CDH12: variants seen among roughly 807,000 people sequenced by gnomAD.
CDH12 encodes cadherin 12, also known as cadherin-12.
In CDH12, 41 loss-of-function variants were observed where a neutral mutation model predicts 74.1. The observed-to-expected ratio is 0.55, with a 90% CI of 0.43 to 0.72. The LOEUF (loss-of-function observed/expected upper bound fraction) is 0.72, where lower values mean the gene tolerates loss of function less well. Among genes scored for constraint, CDH12 ranks in the 30% least tolerant of loss-of-function variants. CDH12 has a pLI of 0.00. For missense variants in CDH12, 945 were observed against 977.2 expected, an observed-to-expected ratio of 0.97 and a Z score of 0.44; for synonymous variants, 399 against 355.0, an observed-to-expected ratio of 1.12 and a Z score of -1.39.
chr5:22,736,362 A>C (rs957121697), intron 1 of CDH12, among the ~76,000 whole-genome samples: 3 of 151,820 alleles, frequency 2.0e-5, no homozygotes, highest in African/African-American at 4.8e-5. Context: ...TCATTGGCTG[A>C]ATACTGCAAA....
At chr5:22,231,505 T>TA (rs1190716158) in intron 3 of CDH12, among the ~76,000 whole-genome samples, 2 of 151,736 alleles carry the variant, frequency 1.3e-5, no homozygotes, top group African/African-American at 4.8e-5. Flanking sequence ...AAGTAGCAAG[T>TA]AAAAAAAATG....
intron 2 of CDH12, among the ~76,000 whole-genome samples, chr5:22,478,710 T>A (rs1030806807): frequency 6.6e-6 from 1 of 151,984 alleles, no homozygotes; most frequent in African/African-American, 2.4e-5. Flanking sequence ...AAAAGCCCCA[T>A]CATTTGTTGT....
At chr5:22,263,961 A>G (rs1445584464) in intron 3 of CDH12, among the ~76,000 whole-genome samples, 1 of 151,944 alleles carries the variant, frequency 6.6e-6, no homozygotes, top group South Asian at 2.1e-4. Context: ...TTAATTTGCC[A>G]TTTGCTAATT....
chr5:22,342,361 A>C (rs1739890253), intron 3 of CDH12, among the ~76,000 whole-genome samples: 1 of 152,216 alleles, frequency 6.6e-6, no homozygotes, highest in South Asian at 2.1e-4. Context: ...ATGTATCTAG[A>C]GATTTGAGGA....
At chr5:22,441,466 G>C (rs1040579101) in intron 2 of CDH12, among the ~76,000 whole-genome samples, 2 of 152,168 alleles carry the variant, frequency 1.3e-5, no homozygotes, top group African/African-American at 4.8e-5. Context: ...AATCCATAAA[G>C]TTGCTTAAAA....
At chr5:22,302,825 A>C (rs2150421149) in intron 3 of CDH12, among the ~76,000 whole-genome samples, 1 of 152,234 alleles carries the variant, frequency 6.6e-6, no homozygotes, top group South Asian at 2.1e-4. Flanking sequence ...ATGAATGTTA[A>C]GTGCACTAGG....
chr5:22,849,976 A>C (rs1737472167), intron 1 of CDH12, among the ~76,000 whole-genome samples: 1 of 152,118 alleles, frequency 6.6e-6, no homozygotes, highest in Non-Finnish European at 1.5e-5. Context: ...ACTGGTAAAC[A>C]TATGCCTTGT....
At chr5:21,863,890 T>C (rs930185893) in intron 6 of CDH12, among the ~76,000 whole-genome samples, 2 of 152,144 alleles carry the variant, frequency 1.3e-5, no homozygotes, top group African/African-American at 4.8e-5. Flanking sequence ...ATGTAGCAAA[T>C]CAGTTTCTTT....
intron 1 of CDH12, among the ~76,000 whole-genome samples, chr5:22,619,398 T>C (rs566331289): frequency 7.4e-4 from 112 of 152,230 alleles, no homozygotes; most frequent in South Asian, 1.2e-3. Flanking sequence ...TATAGTAAAC[T>C]AGTAAACACT....
At chr5:22,452,558 AC>A (rs1207147748) in intron 2 of CDH12, among the ~76,000 whole-genome samples, 1 of 151,954 alleles carries the variant, frequency 6.6e-6, no homozygotes, top group East Asian at 1.9e-4. Context: ...CTCACCATAT[AC>A]AAAATTCAAC....
intron 4 of CDH12, among the ~76,000 whole-genome samples, chr5:22,187,244 G>A (rs1580374894): frequency 6.6e-6 from 1 of 152,242 alleles, no homozygotes; most frequent in African/African-American, 2.4e-5. Context: ...AGGTGATGAA[G>A]CTGAGGGAAG....
At chr5:22,644,587 A>G (rs796675458) in intron 1 of CDH12, among the ~76,000 whole-genome samples, 1 of 152,052 alleles carries the variant, frequency 6.6e-6, no homozygotes, top group Non-Finnish European at 1.5e-5. Context: ...AGCCCTCTTC[A>G]TAACATGAAA....
chr5:22,749,672 A>G (rs1745463962), intron 1 of CDH12, among the ~76,000 whole-genome samples: 1 of 152,120 alleles, frequency 6.6e-6, no homozygotes, highest in Non-Finnish European at 1.5e-5. Context: ...GTATGTCACT[A>G]TTTTTTCTAT....
chr5:22,336,915 G>A (rs1196229555), intron 3 of CDH12, among the ~76,000 whole-genome samples: 1 of 152,170 alleles, frequency 6.6e-6, no homozygotes, highest in East Asian at 1.9e-4. Context: ...CCATCCACCT[G>A]GAAACACTGC....
intron 4 of CDH12, among the ~76,000 whole-genome samples, chr5:22,083,937 A>C (rs535483011): frequency 1.3e-5 from 2 of 152,194 alleles, no homozygotes; most frequent in Admixed American, 6.6e-5. Flanking sequence ...AGACTCATTT[A>C]GCTCTTTTGT....
At chr5:22,144,957 T>A (rs1008195001) in intron 4 of CDH12, among the ~76,000 whole-genome samples, 1 of 152,086 alleles carries the variant, frequency 6.6e-6, no homozygotes, top group Non-Finnish European at 1.5e-5. Flanking sequence ...TTTAACTGAA[T>A]GCCCAGATGG....
intron 1 of CDH12, among the ~76,000 whole-genome samples, chr5:22,852,084 C>T (rs1014617224): frequency 6.6e-6 from 1 of 152,084 alleles, no homozygotes; most frequent in Admixed American, 6.6e-5. Flanking sequence ...ATTTTTCCCC[C>T]TCAGTATGTA....
intron 5 of CDH12, among the ~76,000 whole-genome samples, chr5:22,023,102 C>A (rs1738097482): frequency 6.6e-6 from 1 of 152,132 alleles, no homozygotes; most frequent in South Asian, 2.1e-4. Flanking sequence ...TCTGCAGGGT[C>A]TTACATTATC....
Position 22,488,087 on chromosome 5 carries a change from T to C in CDH12, c.-428+17183A>G, listed in dbSNP as rs575440261. Among the ~76,000 whole-genome samples the C allele has an allele frequency of 2.6e-5, 4 of 152,352 alleles. No individual in the cohort carries two copies. The East Asian group carries it at 7.7e-4, about 29-fold the overall frequency. ...TGGTGTAACTCATAGGAAAGTACTT[T>C]GTAACAAAGAAACGTACAATTGTAG... is the stretch of plus-strand genomic sequence containing the variant. On this transcript the variant is annotated intron_variant, in intron 2 of 14. Coordinates refer to ENST00000382254, the MANE Select transcript of CDH12 (RefSeq NM_004061.5).
Sources: gnomAD v4.1 joint callset for allele counts (sites outside exome capture counted in the v4.1 genomes callset) on GRCh38, gnomAD v4.1.1 for gene constraint, MANE v1.5 for transcripts, NCBI Gene and HGNC (gene_info 2026-07-23, HGNC 2026-07-21) for gene names.